The following JAKMIP2 variants were observed in gnomAD, a reference collection of about 807,000 sequenced individuals.
The protein encoded by JAKMIP2 is janus kinase and microtubule-interacting protein 2.
Under a neutral mutation model 115.0 loss-of-function variants are expected in JAKMIP2, and 25 were observed. The observed-to-expected ratio is 0.22, with a 90% CI of 0.16 to 0.30. The LOEUF (loss-of-function observed/expected upper bound fraction) is 0.30, where lower values mean the gene tolerates loss of function less well. Among genes scored for constraint, JAKMIP2 ranks in the 10% least tolerant of loss-of-function variants. The pLI, the probability that JAKMIP2 is intolerant of heterozygous loss-of-function variation, is 1.00. For missense variants in JAKMIP2, 642 were observed against 957.6 expected (o/e 0.67, Z 4.35); for synonymous variants, 334 against 343.6 (o/e 0.97, Z 0.31).
intron 2 of JAKMIP2, among the ~76,000 whole-genome samples, chr5:147,669,379 C>T (rs993913491): frequency 2.6e-5 from 4 of 152,054 alleles, no homozygotes; most frequent in African/African-American, 9.7e-5. Flanking sequence ...GGCTGGCTGC[C>T]AGTCAATTGT....
intron 1 of JAKMIP2, among the ~76,000 whole-genome samples, chr5:147,704,339 C>T (rs1229444380): frequency 2.0e-5 from 3 of 152,182 alleles, no homozygotes; most frequent in African/African-American, 7.2e-5. Context: ...TGTGCTACAA[C>T]ATTACGACTG....
rs921942896 is a variant in JAKMIP2 at position 147,782,502 on chromosome 5, C to A, written c.-195G>T. ...TGTTTAAAGGAGGGAGAGATGCAAACTGAATCCATTTTCCTTGTGACCGAG... is the reference window on the plus strand; with the variant it reads ...TGTTTAAAGGAGGGAGAGATGCAAAATGAATCCATTTTCCTTGTGACCGAG... On this transcript the variant is annotated 5_prime_UTR_variant, in exon 1 of 22. Coordinates refer to ENST00000616793, the MANE Select transcript of JAKMIP2 (RefSeq NM_001270941.2). The A allele has an allele frequency of 4.3e-5, 66 of 1,534,904 alleles. No individual in the cohort carries two copies. In the Admixed American group the frequency reaches 1.2e-3, roughly 29 times the overall value.
At chr5:147,598,425 C>CGTCTATCT (rs1554123558) in intron 21 of JAKMIP2, among the ~76,000 whole-genome samples, 1 of 148,340 alleles carries the variant, frequency 6.7e-6, no homozygotes, top group African/African-American at 2.5e-5. Context: ...CTCTCATTTT[C>CGTCTATCT]ATCTATCTAT....
At chr5:147,650,704 T>C (rs2053050) in intron 3 of JAKMIP2, among the ~76,000 whole-genome samples, 157 bp from the exon 4 acceptor site, 2 of 152,076 alleles carry the variant, frequency 1.3e-5, no homozygotes, top group African/African-American at 2.4e-5. Flanking sequence ...TGAGGCAACA[T>C]TGTGTAATGA....
chr5:147,782,664 G>GGCAGCAGCAGCAGCAGCA lies in JAKMIP2; in HGVS notation c.-375_-358dup, dbSNP rs3840518. On this transcript the variant is annotated 5_prime_UTR_variant, in exon 1 of 22. Coordinates refer to ENST00000616793, the MANE Select transcript of JAKMIP2 (RefSeq NM_001270941.2). The stretch of plus-strand genomic sequence containing the variant: ...TATCAGCAATAGAGGCGGCGGCGGC[G>GGCAGCAGCAGCAGCAGCA]GCAGCAGCAGCAGCAGCAGCATCAC... 1.6e-6 allele frequency: 1 copy of GGCAGCAGCAGCAGCAGCA among 625,782 alleles called. No homozygotes were observed. Among genetic ancestry groups the GGCAGCAGCAGCAGCAGCA allele is most frequent in the South Asian group, 1.7e-5 (1 of 59,706 alleles). The allele number at this position is 625,782 out of a possible 1,614,324, so 38.8% of individuals were successfully genotyped here. A position where few individuals can be genotyped will look rare whatever the true frequency, so the allele number is the denominator to read the frequency against.
intron 1 of JAKMIP2, among the ~76,000 whole-genome samples, chr5:147,776,332 T>C (rs1045115005): frequency 6.6e-6 from 1 of 152,066 alleles, no homozygotes; most frequent in African/African-American, 2.4e-5. Flanking sequence ...ATTGAGTAAG[T>C]TCTCACGAGA....
intron 1 of JAKMIP2, among the ~76,000 whole-genome samples, chr5:147,684,545 G>A (rs200417764): frequency 6.6e-6 from 1 of 152,196 alleles, no homozygotes; most frequent in Non-Finnish European, 1.5e-5. Context: ...GGTAGGACAA[G>A]TGGAGATAAG....
intron 1 of JAKMIP2, among the ~76,000 whole-genome samples, chr5:147,685,261 T>C (rs1180217423): frequency 1.3e-5 from 2 of 152,092 alleles, no homozygotes; most frequent in Admixed American, 1.3e-4. Context: ...GAAGGAAAGG[T>C]TGAAGATGAT....
intron 1 of JAKMIP2, among the ~76,000 whole-genome samples, chr5:147,747,408 C>T (rs1754387162): frequency 6.6e-6 from 1 of 152,080 alleles, no homozygotes. Context: ...AATTACAACA[C>T]GGGCACAGCT....
At chr5:147,673,200 T>C (rs953249781) in intron 1 of JAKMIP2, among the ~76,000 whole-genome samples, 2 of 152,088 alleles carry the variant, frequency 1.3e-5, no homozygotes, top group Non-Finnish European at 2.9e-5. Flanking sequence ...GTGTCTTGAT[T>C]TACAAATTCT....
At chr5:147,664,108 A>G (rs1759177035) in intron 2 of JAKMIP2, among the ~76,000 whole-genome samples, 1 of 152,184 alleles carries the variant, frequency 6.6e-6, no homozygotes, top group Non-Finnish European at 1.5e-5. Flanking sequence ...GTTTCTTTTT[A>G]CTGTTTAAAA....
intron 20 of JAKMIP2, among the ~76,000 whole-genome samples, chr5:147,609,138 G>A (rs1756179803): frequency 6.6e-6 from 1 of 152,136 alleles, no homozygotes; most frequent in Non-Finnish European, 1.5e-5. Flanking sequence ...CAATTTGCCA[G>A]TCTGTGCCTT....
At chr5:147,623,224 C>CTTTTTTTTTTTTTTTTTT (rs199676287) in intron 17 of JAKMIP2, among the ~76,000 whole-genome samples, 2 of 138,740 alleles carry the variant, frequency 1.4e-5, no homozygotes, top group African/African-American at 5.3e-5. Flanking sequence ...TTGTTCTACT[C>CTTTTTTTTTTTTTTTTTT]TTTTTTTTTT....
Position 147,742,155 on chromosome 5 carries a change from A to ATATATATATATATATTTTTTT in JAKMIP2, c.-149+40300_-149+40301insAAAAAAATATATATATATATA. Among the ~76,000 whole-genome samples the ATATATATATATATATTTTTTT allele has an allele frequency of 8.1e-4, 88 of 108,878 alleles. 4 individuals carry two copies. Among genetic ancestry groups the ATATATATATATATATTTTTTT allele is most frequent in the African/African-American group, 3.1e-3 (83 of 26,426 alleles). 71.4% of individuals were successfully genotyped at this position (108,878 alleles called of 152,430 possible). A position where few individuals can be genotyped will look rare whatever the true frequency, so the allele number is the denominator to read the frequency against. On this transcript the variant is annotated intron_variant, in intron 1 of 21. Coordinates refer to ENST00000616793, the MANE Select transcript of JAKMIP2 (RefSeq NM_001270941.2). ...TGTGGATCATTATATATATATATAT[A>ATATATATATATATATTTTTTT]TTTTTTTTACTATTGTATTGTATCT...
intron 19 of JAKMIP2, among the ~76,000 whole-genome samples, chr5:147,613,992 A>G (rs571661571): frequency 2.0e-5 from 3 of 152,340 alleles, no homozygotes; most frequent in Non-Finnish European, 4.4e-5. Flanking sequence ...CCATAGCTAC[A>G]CAGTAAAAGA....
chr5:147,632,023 T>C (rs1483891491), intron 13 of JAKMIP2, among the ~76,000 whole-genome samples: 2 of 152,176 alleles, frequency 1.3e-5, no homozygotes, highest in African/African-American at 4.8e-5. Flanking sequence ...GGAATTTTTC[T>C]TATACTTTAT....
Position 147,661,505 on chromosome 5 carries a change from T to C in JAKMIP2, c.130-60A>G, listed in dbSNP as rs376197079. The C allele has an allele frequency of 6.3e-4, 955 of 1,527,952 alleles. 10 individuals are homozygous for C. In the African/African-American group the frequency reaches 9.9e-3, roughly 16 times the overall value. The allele number at this position is 1,527,952 out of a possible 1,614,324, so 94.6% of individuals were successfully genotyped here. A position where few individuals can be genotyped will look rare whatever the true frequency, so the allele number is the denominator to read the frequency against. ...GAGCCTCAAAGGACGGGTGTGCTCC[T>C]AGGCAGGATTTGCAGCTCAGGCCGC... On this transcript the variant is annotated intron_variant, in intron 2 of 21. Coordinates refer to ENST00000616793, the MANE Select transcript of JAKMIP2 (RefSeq NM_001270941.2).
At chr5:147,641,374 G>T (rs1757872077) in intron 8 of JAKMIP2, among the ~76,000 whole-genome samples, 1 of 152,180 alleles carries the variant, frequency 6.6e-6, no homozygotes, top group African/African-American at 2.4e-5. Flanking sequence ...TGTATTAATT[G>T]TCATAAGTGG....
At chr5:147,729,065 T>A (rs1753623762) in intron 1 of JAKMIP2, among the ~76,000 whole-genome samples, 1 of 152,156 alleles carries the variant, frequency 6.6e-6, no homozygotes, top group South Asian at 2.1e-4. Flanking sequence ...AAGAAACAGT[T>A]TTACATGCAA....
Sources: allele counts gnomAD v4.1 joint callset (sites outside exome capture counted in the v4.1 genomes callset), GRCh38; gene constraint gnomAD v4.1.1; transcripts MANE v1.5; gene names NCBI Gene and HGNC (gene_info 2026-07-23, HGNC 2026-07-21).